CTNNA2: variants seen among roughly 807,000 people sequenced by gnomAD.
CTNNA2 encodes the protein catenin alpha-2.
CTNNA2 carries 42 observed loss-of-function variants against 101.0 expected under a neutral mutation model. The observed-to-expected ratio is 0.42, with a 90% CI of 0.32 to 0.54. The LOEUF (loss-of-function observed/expected upper bound fraction) is 0.54. Among genes scored for constraint, CTNNA2 ranks in the 20% least tolerant of loss-of-function variants. The pLI is 0.14. For missense variants in CTNNA2, 871 were observed against 1,223.1 expected (o/e 0.71, Z 4.29); for synonymous variants, 450 against 456.4 (o/e 0.99, Z 0.18).
intron 7 of CTNNA2, among the ~76,000 whole-genome samples, chr2:79,911,670 A>T (rs1317011124): frequency 6.6e-6 from 1 of 152,222 alleles, no homozygotes; most frequent in Non-Finnish European, 1.5e-5. Context: ...TTCTATTTTG[A>T]CATGGTTACA....
At chr2:80,127,554 T>C (rs1702204981) in intron 7 of CTNNA2, among the ~76,000 whole-genome samples, 1 of 152,176 alleles carries the variant, frequency 6.6e-6, no homozygotes, top group Non-Finnish European at 1.5e-5. Flanking sequence ...CACGCACAGT[T>C]ATTTGGAAGA....
intron 2 of CTNNA2, among the ~76,000 whole-genome samples, chr2:79,303,256 G>A (rs1376031789): frequency 6.6e-6 from 1 of 152,182 alleles, no homozygotes; most frequent in African/African-American, 2.4e-5. Context: ...CTGAAGTGGG[G>A]CCTTGTGAAT....
chr2:79,261,667 A>G (rs541346948), intron 2 of CTNNA2, among the ~76,000 whole-genome samples: 28 of 152,316 alleles, frequency 1.8e-4, no homozygotes, highest in African/African-American at 6.5e-4. Flanking sequence ...TCCTATTCTT[A>G]TAGGACACCA....
intron 7 of CTNNA2, among the ~76,000 whole-genome samples, chr2:80,025,432 A>C: frequency 6.6e-6 from 1 of 152,354 alleles, no homozygotes; most frequent in East Asian, 1.9e-4. Flanking sequence ...CACTAACGCA[A>C]GTTTAATAAA....
intron 7 of CTNNA2, among the ~76,000 whole-genome samples, chr2:80,285,997 T>C (rs532250437): frequency 5.3e-4 from 81 of 152,302 alleles, no homozygotes; most frequent in African/African-American, 1.7e-3. Flanking sequence ...AAGATTTTCT[T>C]ACAGTGCCAA....
chr2:79,604,142 C>A (rs2104112742), intron 1 of CTNNA2, among the ~76,000 whole-genome samples: 1 of 152,292 alleles, frequency 6.6e-6, no homozygotes, highest in East Asian at 1.9e-4. Flanking sequence ...AACATATTCT[C>A]AGTGTGTATG....
chr2:79,883,186 G>A (rs905658111), intron 6 of CTNNA2, among the ~76,000 whole-genome samples: 45 of 152,310 alleles, frequency 3.0e-4, no homozygotes, highest in African/African-American at 1.0e-3. Flanking sequence ...TAATAGTCAC[G>A]AGTGTGTCAA....
chr2:80,522,825 CTCTTT>C (rs1689687806), intron 9 of CTNNA2, among the ~76,000 whole-genome samples: 1 of 152,142 alleles, frequency 6.6e-6, no homozygotes, highest in Non-Finnish European at 1.5e-5. Flanking sequence ...CTGATTAAAC[CTCTTT>C]TCTTTATAAA....
chr2:79,813,112 A>G (rs1247263730), intron 3 of CTNNA2, among the ~76,000 whole-genome samples: 1 of 152,192 alleles, frequency 6.6e-6, no homozygotes, highest in Non-Finnish European at 1.5e-5. Context: ...TGCTAAAAGT[A>G]GGAAAGTCCT....
At chr2:80,241,587 A>ATATC (rs3067148) in intron 7 of CTNNA2, among the ~76,000 whole-genome samples, 63,550 of 148,234 alleles carry the variant, frequency 0.43, 14,238 homozygotes, top group Middle Eastern at 0.57. Context: ...TGCATCTATT[A>ATATC]TATCTATCTA....
chr2:79,510,413 C>T (rs1671510455), upstream of CTNNA2, among the ~76,000 whole-genome samples: 2 of 152,174 alleles, frequency 1.3e-5, no homozygotes, highest in Admixed American at 6.5e-5. Flanking sequence ...AGCATTTTAG[C>T]ATCTAATAAT....
chr2:80,375,467 T>C (rs1209152728), intron 7 of CTNNA2, among the ~76,000 whole-genome samples: 1 of 152,124 alleles, frequency 6.6e-6, no homozygotes, highest in Admixed American at 6.5e-5. Context: ...ATGAAAAGAC[T>C]TGAACCCATA....
Position 80,541,419 on chromosome 2 carries a change from T to C in CTNNA2, c.1291-3563T>C, listed in dbSNP as rs79264533. 5.5e-3 allele frequency among the ~76,000 whole-genome samples: 839 copies of C among 152,306 alleles called. 7 individuals are homozygous for C. Among genetic ancestry groups the C allele is most frequent in the African/African-American group, 0.019 (788 of 41,562 alleles). Reference sequence around the variant, plus strand: ...TCAAGAGGTGCCAGCTCTTTATTTTTGCCAAGCATTGCTAGCTTGGTTTCC... The same window carrying C: ...TCAAGAGGTGCCAGCTCTTTATTTTCGCCAAGCATTGCTAGCTTGGTTTCC... On this transcript the variant is annotated intron_variant, in intron 9 of 18. Transcript: ENST00000402739.
chr2:80,548,091 G>A (rs1028585075), intron 11 of CTNNA2, among the ~76,000 whole-genome samples: 2 of 152,138 alleles, frequency 1.3e-5, no homozygotes, highest in African/African-American at 4.8e-5. Flanking sequence ...AAGGTATTTG[G>A]AAATTGCTTA....
chr2:79,627,336 A>G (rs958492974), intron 1 of CTNNA2, among the ~76,000 whole-genome samples: 3 of 152,198 alleles, frequency 2.0e-5, no homozygotes, highest in Non-Finnish European at 4.4e-5. Context: ...AAGCTCCCAG[A>G]GCTGTTTGAA....
intron 7 of CTNNA2, among the ~76,000 whole-genome samples, chr2:80,170,487 C>G (rs76238056): frequency 0.018 from 2,718 of 152,236 alleles, 84 homozygotes; most frequent in African/African-American, 0.062. Context: ...CAGTGGCACT[C>G]AGTATGTGCT....
chr2:80,386,281 T>C (rs1001233167), intron 7 of CTNNA2, among the ~76,000 whole-genome samples: 13 of 152,302 alleles, frequency 8.5e-5, no homozygotes, highest in African/African-American at 3.1e-4. Flanking sequence ...TCAGAGTATG[T>C]TGATTATAGA....
At chr2:80,366,022 T>C (rs769460118) in intron 7 of CTNNA2, among the ~76,000 whole-genome samples, 1 of 152,120 alleles carries the variant, frequency 6.6e-6, no homozygotes, top group Non-Finnish European at 1.5e-5. Flanking sequence ...GAACTCGAAT[T>C]GCTGTCACTT....
chr2:80,494,772 T>C (rs759276891), intron 9 of CTNNA2, among the ~76,000 whole-genome samples: 6 of 134,286 alleles, frequency 4.5e-5, no homozygotes, highest in Non-Finnish European at 1.0e-4. Flanking sequence ...ACTCATAGAA[T>C]AAAAGTAAGT....
Sources: gnomAD v4.1 joint callset for allele counts (sites outside exome capture counted in the v4.1 genomes callset) on GRCh38, gnomAD v4.1.1 for gene constraint, MANE v1.5 for transcripts, NCBI Gene and HGNC (gene_info 2026-07-23, HGNC 2026-07-21) for gene names.